The following KCNMA1 variants were observed in gnomAD, a reference collection of about 807,000 sequenced individuals.
The protein encoded by KCNMA1 is Calcium-activated potassium channel subunit alpha-1.
Under a neutral mutation model 140.0 loss-of-function variants are expected in KCNMA1, and 29 were observed. That is an observed-to-expected ratio of 0.21 (90% CI 0.15 to 0.28). The LOEUF (loss-of-function observed/expected upper bound fraction) is 0.28, where lower values mean the gene tolerates loss of function less well. KCNMA1 is among the 10% of genes least tolerant of loss of function. The pLI is 1.00. For synonymous variants in KCNMA1, 612 were observed against 611.9 expected (o/e 1.00, Z 0.00); for missense variants, 880 against 1,602.2 (o/e 0.55, Z 7.70).
intron 1 of KCNMA1, among the ~76,000 whole-genome samples, chr10:77,589,268 G>A (rs555930669): frequency 6.6e-6 from 1 of 152,194 alleles, no homozygotes; most frequent in African/African-American, 2.4e-5. Flanking sequence ...TGACTGGGGA[G>A]GCAGCACTGG....
chr10:76,891,069 A>G (rs1020309839), intron 26 of KCNMA1, among the ~76,000 whole-genome samples: 6 of 152,200 alleles, frequency 3.9e-5, no homozygotes, highest in African/African-American at 1.2e-4. Flanking sequence ...ATTAATGTAT[A>G]GTTGGGTTGA....
chr10:77,443,849 G>A (rs1386569037), intron 1 of KCNMA1, among the ~76,000 whole-genome samples: 1 of 152,160 alleles, frequency 6.6e-6, no homozygotes, highest in African/African-American at 2.4e-5. Context: ...GAGTTTGATA[G>A]ATCAGTAGGG....
At chr10:77,460,718 G>C (rs1383521266) in intron 1 of KCNMA1, among the ~76,000 whole-genome samples, 1 of 152,194 alleles carries the variant, frequency 6.6e-6, no homozygotes. Flanking sequence ...TCACTTATAA[G>C]TGGGAGCTAA....
At chr10:77,237,519 G>T (rs1232323740) in intron 3 of KCNMA1, among the ~76,000 whole-genome samples, 1 of 152,142 alleles carries the variant, frequency 6.6e-6, no homozygotes, top group African/African-American at 2.4e-5. Context: ...ACACAGTGGT[G>T]CAACCAGGGC....
chr10:77,422,015 T>A, intron 1 of KCNMA1, among the ~76,000 whole-genome samples: 1 of 152,228 alleles, frequency 6.6e-6, no homozygotes, highest in East Asian at 1.9e-4. Flanking sequence ...TAACAAATGT[T>A]CAATGCTCAC....
At chr10:76,958,992 A>G (rs1468783344) in intron 20 of KCNMA1, among the ~76,000 whole-genome samples, 1 of 152,168 alleles carries the variant, frequency 6.6e-6, no homozygotes, top group Non-Finnish European at 1.5e-5. Context: ...AGGGGGGGAA[A>G]AAAGCATCCC....
At chr10:77,205,696 A>C (rs1453111795) in intron 3 of KCNMA1, among the ~76,000 whole-genome samples, 1 of 152,194 alleles carries the variant, frequency 6.6e-6, no homozygotes, top group African/African-American at 2.4e-5. Context: ...CAAGTATTTA[A>C]ATCACTTAAC....
At chr10:77,491,864 C>T (rs922204881) in intron 1 of KCNMA1, among the ~76,000 whole-genome samples, 1 of 152,136 alleles carries the variant, frequency 6.6e-6, no homozygotes, top group Non-Finnish European at 1.5e-5. Context: ...ATTTTTAATG[C>T]CCCTTCTGTG....
chr10:77,610,656 C>T (rs1394289105), intron 1 of KCNMA1, among the ~76,000 whole-genome samples: 1 of 152,154 alleles, frequency 6.6e-6, no homozygotes, highest in Non-Finnish European at 1.5e-5. Flanking sequence ...TGTGTGATTC[C>T]ACTTATATGA....
At position 77,084,712 on chromosome 10, in the gene KCNMA1, G is replaced by A; in HGVS notation, c.1448C>T (p.Ser483Leu). ...PHDLARVKIE[S>L]ADACLILANK... ...GGCAAGGATCAGGCATGCATCTGCTGACTCTATCTAAGACACCGAAAGGAA... is the reference window on the plus strand; with the variant it reads ...GGCAAGGATCAGGCATGCATCTGCTAACTCTATCTAAGACACCGAAAGGAA... Residue 483 changes from serine to leucine, a missense_variant, in exon 12 of 28, where the codon TCA (serine) becomes TTA (leucine). By Grantham distance (145) the Ser-to-Leu change is moderately radical (BLOSUM62 -2). Transcript: ENST00000286628. 1 of 1,613,066 alleles carries A rather than the reference G, an allele frequency of 6.2e-7. No individual in the cohort carries two copies. Among genetic ancestry groups the A allele is most frequent in the Non-Finnish European group, 8.5e-7 (1 of 1,179,118 alleles).
At chr10:77,181,424 T>C (rs2098801688) in intron 5 of KCNMA1, among the ~76,000 whole-genome samples, 1 of 152,214 alleles carries the variant, frequency 6.6e-6, no homozygotes, top group Non-Finnish European at 1.5e-5. Flanking sequence ...TCAGGGGTGC[T>C]GCTGATAGAA....
At chr10:76,977,797 T>G in intron 19 of KCNMA1, 1 of 586,350 alleles carries the variant, frequency 1.7e-6, no homozygotes, top group Non-Finnish European at 3.0e-6. Flanking sequence ...TTTGAGGTCA[T>G]GAGTCAGGTG....
chr10:77,271,177 T>A (rs12250255), intron 2 of KCNMA1, among the ~76,000 whole-genome samples: 58,163 of 152,042 alleles, frequency 0.38, 13,256 homozygotes, highest in African/African-American at 0.63. Context: ...GTTTATATTT[T>A]TGTTAATTAA....
Position 76,885,583 on chromosome 10 carries a change from T to C in KCNMA1, c.*1683A>G. 1 of 985,388 alleles carries C rather than the reference T, an allele frequency of 1.0e-6. No homozygotes were observed. The highest frequency in any genetic ancestry group is 1.2e-6 in the Non-Finnish European group (1 of 829,930). The allele number at this position is 985,388 out of a possible 1,614,324, so 61.0% of individuals were successfully genotyped here. A position where few individuals can be genotyped will look rare whatever the true frequency, so the allele number is the denominator to read the frequency against. On this transcript the variant is annotated 3_prime_UTR_variant, in exon 28 of 28. Coordinates refer to ENST00000286628, the MANE Select transcript of KCNMA1 (RefSeq NM_001161352.2). ...CACCATAAAAACACCTTTTTAGAGA[T>C]GGTACAGCTGTGACATGTTTTCCTC...
At chr10:77,278,543 T>C (rs2067357838) in intron 2 of KCNMA1, among the ~76,000 whole-genome samples, 1 of 152,196 alleles carries the variant, frequency 6.6e-6, no homozygotes, top group Non-Finnish European at 1.5e-5. Flanking sequence ...TCCTCTCTCC[T>C]GCATTTGGAA....
At chr10:77,213,618 C>A (rs761975971) in intron 3 of KCNMA1, among the ~76,000 whole-genome samples, 9 of 152,132 alleles carry the variant, frequency 5.9e-5, no homozygotes, top group Non-Finnish European at 1.2e-4. Context: ...TAGCTCCCAG[C>A]TCTCAGTCTG....
At chr10:77,150,730 C>T (rs1013412699) in intron 5 of KCNMA1, among the ~76,000 whole-genome samples, 1 of 152,224 alleles carries the variant, frequency 6.6e-6, no homozygotes, top group African/African-American at 2.4e-5. Context: ...ATTCTTCTGT[C>T]AGAACCGCTG....
intron 19 of KCNMA1, among the ~76,000 whole-genome samples, chr10:76,988,127 TA>T (rs2081790476): frequency 6.6e-6 from 1 of 152,022 alleles, no homozygotes; most frequent in South Asian, 2.1e-4. Flanking sequence ...TGTTACAGGG[TA>T]AAACTCAGAA....
chr10:77,051,844 G>A lies in KCNMA1; in HGVS notation c.1750-12207C>T, dbSNP rs143957833. ...TACCTCCTAGGGAGGCAGCTGAAAT[G>A]AGGTGGTGCATGTAAAGTGCTTAGC... On this transcript the variant is annotated intron_variant, in intron 14 of 27. Coordinates refer to ENST00000286628, the MANE Select transcript of KCNMA1 (RefSeq NM_001161352.2). 7.9e-5 allele frequency among the ~76,000 whole-genome samples: 12 copies of A among 152,318 alleles called. 1 individual carries two copies. The highest frequency in any genetic ancestry group is 4.1e-4 in the South Asian group (2 of 4,822).
Sources: gnomAD v4.1 joint callset for allele counts (sites outside exome capture counted in the v4.1 genomes callset) on GRCh38, gnomAD v4.1.1 for gene constraint, MANE v1.5 for transcripts, NCBI Gene and HGNC (gene_info 2026-07-23, HGNC 2026-07-21) for gene names.